Variants in SHPK observed in about 807,000 individuals in gnomAD.
SHPK encodes the protein sedoheptulokinase, also known as carbohydrate kinase-like protein.
In SHPK, 51 loss-of-function variants were observed where a neutral mutation model predicts 46.3. That is an observed-to-expected ratio of 1.10 (90% CI 0.88 to 1.39). SHPK has a LOEUF of 1.39. Ranked by LOEUF, SHPK falls within the 40% of genes most tolerant of loss-of-function variation. The pLI is 0.00. For missense variants in SHPK, 668 were observed against 641.3 expected (o/e 1.04, Z -0.45); for synonymous variants, 290 against 273.9 (o/e 1.06, Z -0.58).
At chr17:3,631,485 A>G (rs999936044) in intron 1 of SHPK, among the ~76,000 whole-genome samples, 1 of 149,678 alleles carries the variant, frequency 6.7e-6, no homozygotes, top group African/African-American at 2.5e-5. Context: ...TTAGTATGAC[A>G]AAAAATATAC....
chr17:3,619,755 A>G (rs1009493451), intron 5 of SHPK: 9 of 398,098 alleles, frequency 2.3e-5, no homozygotes, highest in South Asian at 1.8e-4. Context: ...AAAATTTGGA[A>G]GAAGAATGAT....
At chr17:3,626,028 G>C (rs528173583) in intron 2 of SHPK, among the ~76,000 whole-genome samples, 1 of 150,700 alleles carries the variant, frequency 6.6e-6, no homozygotes, top group Non-Finnish European at 1.5e-5. Context: ...ACTCCAGCCT[G>C]GGCAACAGAG....
rs144036687 is a variant in SHPK at position 3,615,404 on chromosome 17, C to T, written c.957G>A (p.Ala319=). 58 of 1,614,182 alleles carry T rather than the reference C, an allele frequency of 3.6e-5. 1 individual carries two copies. In the Middle Eastern group the frequency reaches 9.9e-4, roughly 28 times the overall value. ...YFNRTYLGVA[A]SLNGGNVLAT... Reference sequence around the variant, plus strand: ...CCAGCACATTGCCCCCGTTGAGTGACGCGGCCACCCCCAGGTAGGTCCTGT... The same window carrying T: ...CCAGCACATTGCCCCCGTTGAGTGATGCGGCCACCCCCAGGTAGGTCCTGT... Residue 319 remains alanine (A), a synonymous_variant, in exon 6 of 7, where the codon GCG becomes GCA. Transcript: ENST00000225519.
chr17:3,612,985 C>T (rs2075349605), intron 6 of SHPK, among the ~76,000 whole-genome samples: 1 of 152,052 alleles, frequency 6.6e-6, no homozygotes, highest in Non-Finnish European at 1.5e-5. Flanking sequence ...CTCCTGACTT[C>T]GTGATCCGCC....
intron 1 of SHPK, among the ~76,000 whole-genome samples, chr17:3,635,266 C>T (rs2075509811): frequency 1.7e-5 from 2 of 116,314 alleles, no homozygotes; most frequent in Admixed American, 1.7e-4. Context: ...GAAGGAGTCT[C>T]GCTCTGTCAC....
intron 5 of SHPK, among the ~76,000 whole-genome samples, chr17:3,617,342 T>G (rs896320663): frequency 6.6e-6 from 1 of 152,170 alleles, no homozygotes; most frequent in African/African-American, 2.4e-5. Context: ...CTTGGACATA[T>G]GAACTCCACA....
At chr17:3,613,514 G>T (rs1052924714) in intron 6 of SHPK, among the ~76,000 whole-genome samples, 1 of 151,888 alleles carries the variant, frequency 6.6e-6, no homozygotes, top group Non-Finnish European at 1.5e-5. Flanking sequence ...AATTACAAGC[G>T]TGTGCCACCA....
At chr17:3,624,639 G>GTTTTA (rs202112157) in intron 2 of SHPK, among the ~76,000 whole-genome samples, 78 of 151,952 alleles carry the variant, frequency 5.1e-4, no homozygotes, top group South Asian at 8.3e-4. Flanking sequence ...AGCTGATTGC[G>GTTTTA]TTTTATTTTA....
At chr17:3,621,872 C>T (rs546853898) in intron 4 of SHPK, among the ~76,000 whole-genome samples, 2 of 151,886 alleles carry the variant, frequency 1.3e-5, no homozygotes, top group South Asian at 2.1e-4. Context: ...AGGCTGGTCT[C>T]GAACTCCTGA....
At chr17:3,629,961 C>T (rs1364088700) in intron 2 of SHPK, among the ~76,000 whole-genome samples, 1 of 152,160 alleles carries the variant, frequency 6.6e-6, no homozygotes, top group Non-Finnish European at 1.5e-5. Context: ...AAAACACTCT[C>T]TTCCCTCTGC....
rs2075461892 is a variant in SHPK, at chr17:3,630,212, T to C, written c.303A>G (p.Thr101=). Residue 101 remains threonine, a synonymous_variant, in exon 2 of 7, where the codon ACA becomes ACG. Coordinates refer to ENST00000225519, the MANE Select transcript of SHPK (RefSeq NM_013276.4). ...GQMHGVVFWK[T]GQGCEWTEGG... is the part of the protein sequence containing the mutation. ...TCCCCGAGCCCAGCATACCTTGGCC[T>C]GTTTTCCAAAACACGACTCCATGCA... The C allele has an allele frequency of 6.2e-7, 1 of 1,613,736 alleles. No individual in the cohort carries two copies. Among genetic ancestry groups the C allele is most frequent in the Non-Finnish European group, 8.5e-7 (1 of 1,180,012 alleles).
At chr17:3,625,833 A>G (rs1231876647) in intron 2 of SHPK, among the ~76,000 whole-genome samples, 1 of 152,164 alleles carries the variant, frequency 6.6e-6, no homozygotes, top group Non-Finnish European at 1.5e-5. Context: ...TGGGCGGATC[A>G]CCTGAGGTGA....
At chr17:3,615,111 G>A (rs982197418) in intron 6 of SHPK, among the ~76,000 whole-genome samples, 1 of 152,108 alleles carries the variant, frequency 6.6e-6, no homozygotes, top group African/African-American at 2.4e-5. Flanking sequence ...TTGGGGGAAG[G>A]GTGCCTGACC....
chr17:3,621,240 C>T lies in SHPK; in HGVS notation c.820G>A (p.Ala274Thr), dbSNP rs746483230. ...VYSCMAQRTD[A>T]VLNISTSVQL... is the part of the protein sequence containing the mutation. Reference sequence around the variant, plus strand: ...ACAGAACAAAAGAAAAACTTACCTGCATCTGTCCTCTGGGCCATGCAGGAA... The same window carrying T: ...ACAGAACAAAAGAAAAACTTACCTGTATCTGTCCTCTGGGCCATGCAGGAA... Residue 274 changes from alanine (A) to threonine (T), a missense_variant, in exon 5 of 7, where the codon GCA becomes ACA. Physicochemically the swap from Ala to Thr is moderately conservative, Grantham distance 58. Coordinates refer to ENST00000225519, the MANE Select transcript of SHPK (RefSeq NM_013276.4). 6.2e-7 allele frequency: 1 copy of T among 1,608,614 alleles called. No homozygotes were observed. Among genetic ancestry groups the T allele is most frequent in the Non-Finnish European group, 8.5e-7 (1 of 1,177,702 alleles).
rs1047981868 is a variant in SHPK, at chr17:3,628,837, T to TG, written c.310+1367dup. Among the ~76,000 whole-genome samples, 15 of 152,248 alleles carry TG rather than the reference T, an allele frequency of 9.9e-5. 4 individuals are homozygous for TG. The highest frequency in any genetic ancestry group is 2.0e-4 in the Admixed American group (3 of 15,294). ...CTTATTTTTGCATCTTTTGTAGAGA[T>TG]GGGGTCCCACTATGTTGCCCAGGCT... On this transcript the variant is annotated intron_variant, in intron 2 of 6. Coordinates refer to ENST00000225519, the MANE Select transcript of SHPK (RefSeq NM_013276.4).
At position 3,610,548 on chromosome 17, in the gene SHPK, A is replaced by G. The variant is rs778778374; in HGVS notation, c.*12T>C. Reference sequence around the variant, plus strand: ...AAATTCACAGCAGTCGTTTGGCGAAAGAGTTTGCTGTCTAAGATTCCTTCT... The same window carrying G: ...AAATTCACAGCAGTCGTTTGGCGAAGGAGTTTGCTGTCTAAGATTCCTTCT... On this transcript the variant is annotated 3_prime_UTR_variant, in exon 7 of 7. Coordinates refer to ENST00000225519, the MANE Select transcript of SHPK (RefSeq NM_013276.4). 2 of 1,584,770 alleles carry G rather than the reference A, an allele frequency of 1.3e-6. No homozygotes were observed. The highest frequency in any genetic ancestry group is 1.7e-6 in the Non-Finnish European group (2 of 1,160,320).
intron 2 of SHPK, among the ~76,000 whole-genome samples, chr17:3,624,845 G>C (rs1240504079): frequency 6.6e-6 from 1 of 152,110 alleles, no homozygotes; most frequent in Non-Finnish European, 1.5e-5. Flanking sequence ...AGTAGAGACA[G>C]GGTTTCATCA....
chr17:3,623,371 GA>G lies in SHPK; in HGVS notation c.614del (p.Phe205SerfsTer10). ...CGTTCCAGCTTTGGCTCTGCGTGTT[GA>G]AATAGCCCCAGCTGGCAGCATTCTG... The part of the protein sequence containing the change: ...SDQNAASWGY[F>X]NTQSQSWNVE... On this transcript the variant is annotated frameshift_variant, in exon 4 of 7. Transcript: ENST00000225519. LOFTEE classifies it high-confidence loss of function. 6.2e-7 allele frequency: 1 copy of G among 1,614,192 alleles called. No homozygotes were observed. Among genetic ancestry groups the G allele is most frequent in the South Asian group, 1.1e-5 (1 of 91,086 alleles).
In SHPK at chr17:3,621,419, A is replaced by G. The variant is rs2075400647; in HGVS notation, c.648-7T>C. 2 of 1,612,964 alleles carry G rather than the reference A, an allele frequency of 1.2e-6. No homozygotes were observed. Among genetic ancestry groups the G allele is most frequent in the Middle Eastern group, 1.7e-4 (1 of 6,054 alleles). ...AAAACCCGAGCTCCTCAGTCTGTAA[A>G]ACAGAAGTGGACACCCACATGGACC... On this transcript the variant is annotated splice_polypyrimidine_tract_variant and splice_region_variant and intron_variant, in intron 4 of 6. Transcript: ENST00000225519.
Sources: allele counts gnomAD v4.1 joint callset (sites outside exome capture counted in the v4.1 genomes callset), GRCh38; gene constraint gnomAD v4.1.1; transcripts MANE v1.5; gene names NCBI Gene and HGNC (gene_info 2026-07-23, HGNC 2026-07-21).